The following KCNH3 variants were observed in gnomAD, a reference collection of about 807,000 sequenced individuals.
KCNH3 encodes the protein voltage-gated inwardly rectifying potassium channel KCNH3.
Under a neutral mutation model 95.6 loss-of-function variants are expected in KCNH3, and 36 were observed. That is an observed-to-expected ratio of 0.38 (90% CI 0.29 to 0.50). KCNH3 has a LOEUF of 0.50. Ranked by LOEUF, KCNH3 falls within the 20% of genes least tolerant of loss-of-function variation. KCNH3 has a pLI of 0.95. For synonymous variants in KCNH3, 620 were observed against 646.3 expected (o/e 0.96, Z 0.62); for missense variants, 1,030 against 1,484.1 (o/e 0.69, Z 5.03).
Position 49,539,482 on chromosome 12 carries a change from C to A in KCNH3, c.66C>A (p.Phe22Leu). 1 of 1,588,348 alleles carries A rather than the reference C, an allele frequency of 6.3e-7. No homozygotes were observed. Among genetic ancestry groups the A allele is most frequent in the Non-Finnish European group, 8.6e-7 (1 of 1,169,342 alleles). Reference sequence around the variant, plus strand: ...TCCTGGACACCATCGCTACGCGCTTCGACGGCACGCGTGAGTCCGACCCTC... The same window carrying A: ...TCCTGGACACCATCGCTACGCGCTTAGACGGCACGCGTGAGTCCGACCCTC... ...NTFLDTIATR[F>L]DGTHSNFVLG... The change falls in exon 1 of 15, where the codon TTC (phenylalanine) becomes TTA (leucine). Residue 22 changes from phenylalanine (F) to leucine (L), a missense_variant. Phe to Leu is a conservative substitution (Grantham distance 22). Coordinates refer to ENST00000257981, the MANE Select transcript of KCNH3 (RefSeq NM_012284.3). This position sits in a 1 kb window ranked among gnomAD's most constrained non-coding sequence, Gnocchi z 6.7.
chr12:49,543,716 C>T, intron 5 of KCNH3, 198 bp downstream of exon 5: 1 of 1,017,330 alleles, frequency 9.8e-7, no homozygotes, highest in Non-Finnish European at 1.4e-6. Context: ...GTCAAAGCCT[C>T]TCTGAGCCTC....
chr12:49,554,558 A>T lies in KCNH3; in HGVS notation c.2136+4A>T. On this transcript the variant is annotated splice_donor_region_variant and intron_variant, in intron 11 of 14. Coordinates refer to ENST00000257981, the MANE Select transcript of KCNH3 (RefSeq NM_012284.3). ...TGCTGGGGGAGGCTCTGCAGAGGTG[A>T]GTGTGCTGAGTATGTGCTTGGAGGG... 6.2e-7 allele frequency: 1 copy of T among 1,607,918 alleles called. No individual in the cohort carries two copies. The highest frequency in any genetic ancestry group is 8.5e-7 in the Non-Finnish European group (1 of 1,175,900).
chr12:49,540,277 T>C (rs1937828203), intron 1 of KCNH3, among the ~76,000 whole-genome samples: 1 of 152,204 alleles, frequency 6.6e-6, no homozygotes, highest in Non-Finnish European at 1.5e-5. Flanking sequence ...CCAGTGTGCT[T>C]GGCTCCTGCA....
Position 49,556,652 on chromosome 12 carries a change from A to G in KCNH3, c.2575+176A>G, listed in dbSNP as rs1432522571. On this transcript the variant is annotated intron_variant, in intron 13 of 14. Coordinates refer to ENST00000257981, the MANE Select transcript of KCNH3 (RefSeq NM_012284.3). Reference sequence around the variant, plus strand: ...GCAGGGGAGTTTGGTGGTGAAGACCAGCACTTTAATTTCGACGCAGCCAGG... The same window carrying G: ...GCAGGGGAGTTTGGTGGTGAAGACCGGCACTTTAATTTCGACGCAGCCAGG... The G allele has an allele frequency of 8.5e-6, 6 of 703,712 alleles. No individual in the cohort carries two copies. In the East Asian group the frequency reaches 1.6e-4, roughly 19 times the overall value. 43.6% of individuals were successfully genotyped at this position (703,712 alleles called of 1,614,324 possible).
At chr12:49,543,028 C>A (rs1239467401) in intron 4 of KCNH3, among the ~76,000 whole-genome samples, 189 bp downstream of exon 4, 1 of 152,210 alleles carries the variant, frequency 6.6e-6, no homozygotes, top group Non-Finnish European at 1.5e-5. Context: ...GCCTGGGAGG[C>A]AGATGGGCCT....
At chr12:49,555,129 G>C (rs532304696) in intron 11 of KCNH3, among the ~76,000 whole-genome samples, 3 of 152,202 alleles carry the variant, frequency 2.0e-5, no homozygotes, top group African/African-American at 7.2e-5. Flanking sequence ...GGTGGCTTTA[G>C]ATAGATTATA....
chr12:49,547,607 C>T (rs1938103366), intron 7 of KCNH3, among the ~76,000 whole-genome samples: 1 of 152,232 alleles, frequency 6.6e-6, no homozygotes, highest in Non-Finnish European at 1.5e-5. Flanking sequence ...CAGGGAGCTC[C>T]TGTGGGGCCC....
chr12:49,551,201 AG>A (rs563589652), intron 10 of KCNH3, among the ~76,000 whole-genome samples: 115 of 152,214 alleles, frequency 7.6e-4, no homozygotes, highest in African/African-American at 2.4e-3. Context: ...CATCGTTAGG[AG>A]GGTTGGACCT....
rs777677619 is a variant in KCNH3, at chr12:49,555,652, C to A, written c.2169C>A (p.Thr723=). ...CCAGCTCCCTGAGCGGCGACAATAC[C>A]CTTATGTCCACGCTGGAGGAGAAGG... The part of the protein sequence containing the change: ...VDTSSLSGDN[T]LMSTLEEKET... Residue 723 remains threonine, a synonymous_variant, in exon 12 of 15, where the codon ACC becomes ACA. Transcript: ENST00000257981. 8.2e-6 allele frequency: 13 copies of A among 1,579,450 alleles called. 1 individual carries two copies. The highest frequency in any genetic ancestry group is 1.9e-4 in the Middle Eastern group (1 of 5,302).
chr12:49,556,605 A>C, intron 13 of KCNH3, 129 bp downstream of exon 13: 1 of 749,744 alleles, frequency 1.3e-6, no homozygotes. Context: ...GTCTCACCCC[A>C]CTACCCCTTG....
intron 2 of KCNH3, 33 bp from the exon 3 acceptor site, chr12:49,541,597 T>C: frequency 1.2e-6 from 2 of 1,612,386 alleles, no homozygotes; most frequent in African/African-American, 2.7e-5. Flanking sequence ...GTGCTGAGAA[T>C]AGGAGGTGGG....
chr12:49,542,020 T>C (rs994912468), intron 3 of KCNH3, among the ~76,000 whole-genome samples: 2 of 152,238 alleles, frequency 1.3e-5, no homozygotes, highest in African/African-American at 4.8e-5. Context: ...ACAAACCCAA[T>C]TGTACCTGTG....
At chr12:49,541,843 G>C in intron 3 of KCNH3, 79 bp downstream of exon 3, 1 of 1,521,890 alleles carries the variant, frequency 6.6e-7, no homozygotes, top group Non-Finnish European at 8.9e-7. Flanking sequence ...GTCTGAGTAC[G>C]GGGGTCCCCC....
chr12:49,550,893 C>T (rs1565779760), intron 10 of KCNH3, among the ~76,000 whole-genome samples: 1 of 152,146 alleles, frequency 6.6e-6, no homozygotes, highest in Non-Finnish European at 1.5e-5. Context: ...GAAATCAGTT[C>T]CCTAGACGCA....
Position 49,549,028 on chromosome 12 carries a change from G to A in KCNH3, c.1323G>A (p.Glu441=). 1 of 1,611,978 alleles carries A rather than the reference G, an allele frequency of 6.2e-7. No individual in the cohort carries two copies. The highest frequency in any genetic ancestry group is 8.5e-7 in the Non-Finnish European group (1 of 1,179,586). ...SSSEANGTGL[E]LLGGPSLRSA... The stretch of plus-strand genomic sequence containing the variant: ...GCGAGGCCAACGGGACGGGGCTGGA[G>A]CTGCTGGGCGGCCCGTCGCTGCGCA... The change falls in exon 8 of 15, where the codon GAG becomes GAA. Residue 441 remains glutamate, a synonymous_variant. Coordinates refer to ENST00000257981, the MANE Select transcript of KCNH3 (RefSeq NM_012284.3).
Position 49,542,778 on chromosome 12 carries a change from T to A in KCNH3, c.518T>A (p.Val173Glu). Residue 173 changes from valine (V) to glutamate (E), a missense_variant, in exon 4 of 15, where the codon GTG (valine) becomes GAG (glutamate). By Grantham distance (121) the Val-to-Glu change is moderately radical. This residue lies in a region of KCNH3 where 92 missense variants were observed against 92.7 expected (regional missense o/e 0.99). Coordinates refer to ENST00000257981, the MANE Select transcript of KCNH3 (RefSeq NM_012284.3). ...FNANRRRSRA[V>E]LYHLSGHLQK... Reference sequence around the variant, plus strand: ...GCCAACCGGCGGCGGAGCCGGGCCGTGCTCTACCACCTGTCCGGGCACCTG... The same window carrying A: ...GCCAACCGGCGGCGGAGCCGGGCCGAGCTCTACCACCTGTCCGGGCACCTG... 1 of 1,598,452 alleles carries A rather than the reference T, an allele frequency of 6.3e-7. No individual in the cohort carries two copies. Among genetic ancestry groups the A allele is most frequent in the Non-Finnish European group, 8.5e-7 (1 of 1,173,884 alleles).
At chr12:49,542,935 G>T in intron 4 of KCNH3, 96 bp downstream of exon 4, 1 of 1,448,282 alleles carries the variant, frequency 6.9e-7, no homozygotes, top group Non-Finnish European at 9.2e-7. Context: ...TGTCCTAGGG[G>T]CCACCCAGGC....
chr12:49,552,500 A>G (rs1362633011), intron 10 of KCNH3, among the ~76,000 whole-genome samples: 4 of 152,138 alleles, frequency 2.6e-5, no homozygotes, highest in East Asian at 1.9e-4. Context: ...CCCGACCCCA[A>G]TCATGGTCGG....
At chr12:49,548,425 GA>G (rs1938141588) in intron 7 of KCNH3, among the ~76,000 whole-genome samples, 1 of 151,842 alleles carries the variant, frequency 6.6e-6, no homozygotes, top group East Asian at 1.9e-4. Flanking sequence ...TGGCTGTGGG[GA>G]TGGATGAGAC....
Sources: allele counts gnomAD v4.1 joint callset (sites outside exome capture counted in the v4.1 genomes callset), GRCh38; gene constraint gnomAD v4.1.1; regional missense constraint gnomAD v4.1.1; non-coding constraint Gnocchi (gnomAD v3.1); transcripts MANE v1.5; gene names NCBI Gene and HGNC (gene_info 2026-07-23, HGNC 2026-07-21).